The following KCTD8 variants were observed in gnomAD, a reference collection of about 807,000 sequenced individuals.
The protein encoded by KCTD8 is potassium channel tetramerization domain containing 8, also known as BTB/POZ domain-containing protein KCTD8.
In KCTD8, 27 loss-of-function variants were observed where a neutral mutation model predicts 31.5. The ratio of observed to expected loss-of-function variants is 0.86; its 90% CI spans 0.63 to 1.18. The LOEUF (loss-of-function observed/expected upper bound fraction) is 1.18, where lower values mean the gene tolerates loss of function less well. Among genes scored for constraint, KCTD8 ranks in the 50% most tolerant of loss-of-function variants. The probability of loss-of-function intolerance (pLI) is 0.00; values close to 1 mark genes in which losing one functional copy is unlikely to be tolerated. For synonymous variants in KCTD8, 290 were observed against 280.0 expected (o/e 1.04, Z -0.36); for missense variants, 658 against 647.7 (o/e 1.02, Z -0.17).
chr4:44,385,445 A>G (rs769222178), intron 1 of KCTD8, among the ~76,000 whole-genome samples: 1 of 151,760 alleles, frequency 6.6e-6, no homozygotes, highest in Non-Finnish European at 1.5e-5. Context: ...ACACTATTCA[A>G]TGGGGAATGC....
intron 1 of KCTD8, among the ~76,000 whole-genome samples, chr4:44,185,311 G>A (rs779407188): frequency 1.3e-5 from 2 of 152,096 alleles, no homozygotes; most frequent in African/African-American, 4.8e-5. Flanking sequence ...CCTATGACAG[G>A]TTTCTTATTA....
chr4:44,279,049 A>G (rs1339812732), intron 1 of KCTD8, among the ~76,000 whole-genome samples: 1 of 152,070 alleles, frequency 6.6e-6, no homozygotes, highest in African/African-American at 2.4e-5. Flanking sequence ...TTCCCATTAC[A>G]TGTCAGCTTT....
intron 1 of KCTD8, among the ~76,000 whole-genome samples, chr4:44,281,285 ATT>A (rs1716899754): frequency 6.6e-6 from 1 of 152,154 alleles, no homozygotes. Flanking sequence ...TCATTTACTG[ATT>A]GCAAAAGAGT....
chr4:44,327,674 G>A (rs1718483874), intron 1 of KCTD8, among the ~76,000 whole-genome samples: 1 of 150,622 alleles, frequency 6.6e-6, no homozygotes, highest in South Asian at 2.1e-4. Context: ...GACTCTGGGG[G>A]AAAAAAAACA....
chr4:44,305,747 C>T (rs995811542), intron 1 of KCTD8, among the ~76,000 whole-genome samples: 3 of 151,172 alleles, frequency 2.0e-5, no homozygotes, highest in Non-Finnish European at 4.4e-5. Flanking sequence ...AATTTTTTAC[C>T]CCAAAATGAA....
chr4:44,249,369 A>G (rs2109360671), intron 1 of KCTD8, among the ~76,000 whole-genome samples: 1 of 151,966 alleles, frequency 6.6e-6, no homozygotes, highest in African/African-American at 2.4e-5. Flanking sequence ...ATTACATTCT[A>G]ATGCATATTT....
chr4:44,387,128 C>T (rs904253098), intron 1 of KCTD8, among the ~76,000 whole-genome samples: 5 of 151,496 alleles, frequency 3.3e-5, no homozygotes, highest in African/African-American at 7.3e-5. Context: ...TTCACAATTG[C>T]CACATAAATA....
At chr4:44,291,723 C>T (rs1441607306) in intron 1 of KCTD8, among the ~76,000 whole-genome samples, 1 of 151,970 alleles carries the variant, frequency 6.6e-6, no homozygotes, top group African/African-American at 2.4e-5. Flanking sequence ...ACAAACTATG[C>T]ATCTGAGAAA....
At chr4:44,220,353 C>A (rs1042262337) in intron 1 of KCTD8, among the ~76,000 whole-genome samples, 13 of 152,152 alleles carry the variant, frequency 8.5e-5, no homozygotes, top group African/African-American at 2.9e-4. Flanking sequence ...ATTGATAAAT[C>A]TTCAGAAGTG....
At chr4:44,303,472 AT>A (rs200713940) in intron 1 of KCTD8, among the ~76,000 whole-genome samples, 35,124 of 151,786 alleles carry the variant, frequency 0.23, 4,724 homozygotes, top group Non-Finnish European at 0.31. Flanking sequence ...CGAGGAATTT[AT>A]CCATTTCTTC....
At chr4:44,365,477 C>A (rs1184973864) in intron 1 of KCTD8, among the ~76,000 whole-genome samples, 1 of 151,814 alleles carries the variant, frequency 6.6e-6, no homozygotes, top group Non-Finnish European at 1.5e-5. Context: ...TAGATGAATT[C>A]ACAAAAATGA....
intron 1 of KCTD8, among the ~76,000 whole-genome samples, chr4:44,346,265 G>C (rs752260062): frequency 4.6e-5 from 7 of 152,130 alleles, no homozygotes; most frequent in Non-Finnish European, 1.0e-4. Context: ...TGGTTTCTCA[G>C]TTGATTGCTG....
At chr4:44,378,917 G>C (rs1719989372) in intron 1 of KCTD8, among the ~76,000 whole-genome samples, 1 of 152,122 alleles carries the variant, frequency 6.6e-6, no homozygotes, top group African/African-American at 2.4e-5. Context: ...AGGCTCCACA[G>C]GAGAATCTGT....
intron 1 of KCTD8, among the ~76,000 whole-genome samples, chr4:44,371,636 C>G (rs1719789290): frequency 6.6e-6 from 1 of 152,132 alleles, no homozygotes; most frequent in African/African-American, 2.4e-5. Flanking sequence ...TGATCTCAAT[C>G]CTAAAACATA....
At chr4:44,337,667 C>T (rs1167064720) in intron 1 of KCTD8, among the ~76,000 whole-genome samples, 2 of 120,998 alleles carry the variant, frequency 1.7e-5, no homozygotes, top group Admixed American at 1.7e-4. Context: ...GAGCAAGACT[C>T]GATCTCAAAA....
intron 1 of KCTD8, among the ~76,000 whole-genome samples, chr4:44,318,167 A>T (rs1392803512): frequency 6.6e-6 from 1 of 152,156 alleles, no homozygotes; most frequent in Non-Finnish European, 1.5e-5. Context: ...TCACATAAAC[A>T]TTTCTGATCC....
intron 1 of KCTD8, among the ~76,000 whole-genome samples, chr4:44,363,974 C>T (rs889993758): frequency 3.3e-5 from 5 of 151,858 alleles, no homozygotes; most frequent in African/African-American, 1.2e-4. Context: ...ATATAAAACA[C>T]AAAACTATAA....
At chr4:44,310,950 C>T (rs1055594149) in intron 1 of KCTD8, among the ~76,000 whole-genome samples, 10 of 152,010 alleles carry the variant, frequency 6.6e-5, no homozygotes, top group African/African-American at 2.2e-4. Context: ...GATCACAAGA[C>T]CAGAACAAAG....
intron 1 of KCTD8, among the ~76,000 whole-genome samples, chr4:44,435,327 C>A (rs916793138): frequency 6.6e-5 from 10 of 152,078 alleles, no homozygotes; most frequent in African/African-American, 2.4e-4. Context: ...AAAAGGTAAG[C>A]CAAGATCTCT....
Sources: allele counts gnomAD v4.1 joint callset (sites outside exome capture counted in the v4.1 genomes callset), GRCh38; gene constraint gnomAD v4.1.1; transcripts MANE v1.5; gene names NCBI Gene and HGNC (gene_info 2026-07-23, HGNC 2026-07-21).